The following FAM162A variants were observed in gnomAD, a reference collection of about 807,000 sequenced individuals.
The protein encoded by FAM162A is protein FAM162A.
A neutral mutation model predicts 21.8 loss-of-function variants in FAM162A; 23 were observed. The observed-to-expected ratio is 1.05, with a 90% CI of 0.76 to 1.49. The LOEUF is 1.49. Among genes scored for constraint, FAM162A ranks in the 40% most tolerant of loss-of-function variants. The pLI, the probability that FAM162A is intolerant of heterozygous loss-of-function variation, is 0.00. For missense variants in FAM162A, 165 were observed against 186.4 expected (o/e 0.89, Z 0.67); for synonymous variants, 53 against 61.3 (o/e 0.86, Z 0.64).
chr3:122,397,457 T>C (rs115743374), intron 1 of FAM162A, among the ~76,000 whole-genome samples: 1 of 152,314 alleles, frequency 6.6e-6, no homozygotes, highest in African/African-American at 2.4e-5. Context: ...ATACAAGTCT[T>C]GGACATTCCA....
rs532921984 is a variant in FAM162A at position 122,386,495 on chromosome 3, T to G, written c.34+2196T>G. Among the ~76,000 whole-genome samples, 3 of 151,384 alleles carry G rather than the reference T, an allele frequency of 2.0e-5. No homozygotes were observed. In the East Asian group the frequency reaches 5.8e-4, roughly 29 times the overall value. ...TTGAGCCCAGAAGTTTGAGGCTGCA[T>G]TGAGCTATAATACGATCATGCTACC... On this transcript the variant is annotated intron_variant, in intron 1 of 4. Transcript: ENST00000477892.
chr3:122,393,177 T>C (rs4494873), intron 1 of FAM162A, among the ~76,000 whole-genome samples: 90,854 of 151,952 alleles, frequency 0.6, 27,388 homozygotes, highest in East Asian at 0.69. Context: ...TGAAAAAGAC[T>C]GTGTGCCAGG....
At chr3:122,388,825 G>A (rs147911949) in intron 1 of FAM162A, among the ~76,000 whole-genome samples, 61 of 152,248 alleles carry the variant, frequency 4.0e-4, no homozygotes, top group African/African-American at 1.3e-3. Flanking sequence ...CGAGGTGGGC[G>A]GATCACGAGG....
intron 3 of FAM162A, among the ~76,000 whole-genome samples, chr3:122,406,978 A>G (rs890442247): frequency 1.3e-5 from 2 of 148,866 alleles, no homozygotes; most frequent in African/African-American, 5.0e-5. Context: ...TAGCAAGTGT[A>G]GATTAATATG....
intron 2 of FAM162A, 131 bp from the exon 3 acceptor site, chr3:122,404,126 CT>C (rs1234146919): frequency 5.0e-6 from 2 of 400,732 alleles, no homozygotes; most frequent in African/African-American, 4.2e-5. Context: ...AAATAAAGTT[CT>C]AATTAACTTG....
chr3:122,395,922 C>T (rs551764783), intron 1 of FAM162A, among the ~76,000 whole-genome samples: 5 of 152,138 alleles, frequency 3.3e-5, no homozygotes, highest in South Asian at 4.2e-4. Flanking sequence ...TTCTATATGG[C>T]GCTAAAACAA....
At chr3:122,405,555 A>G (rs1228542680) in intron 3 of FAM162A, among the ~76,000 whole-genome samples, 2 of 152,212 alleles carry the variant, frequency 1.3e-5, no homozygotes, top group Non-Finnish European at 2.9e-5. Context: ...ATACCAGCAG[A>G]AAATAAGCTG....
chr3:122,410,084 AT>A lies in FAM162A; in HGVS notation c.*254del. The stretch of plus-strand genomic sequence containing the variant: ...AATGAAACAATTTATTTCAACTTGA[AT>A]ACCAACTCTTCAGAGAAGCAGGTAC... On this transcript the variant is annotated 3_prime_UTR_variant, in exon 5 of 5. Transcript: ENST00000477892. The A allele has an allele frequency of 2.2e-6, 1 of 459,674 alleles. No homozygotes were observed. Among genetic ancestry groups the A allele is most frequent in the South Asian group, 2.1e-5 (1 of 48,428 alleles). 28.5% of individuals were successfully genotyped at this position (459,674 alleles called of 1,614,324 possible). A position where few individuals can be genotyped will look rare whatever the true frequency, so the allele number is the denominator to read the frequency against.
Position 122,410,830 on chromosome 3 carries a change from C to T in FAM162A, c.*999C>T, listed in dbSNP as rs1386753703. 1 of 152,232 alleles carries T rather than the reference C, an allele frequency of 6.6e-6. No homozygotes were observed. The allele number at this position is 152,232 out of a possible 1,614,324, so 9.4% of individuals were successfully genotyped here. A position where few individuals can be genotyped will look rare whatever the true frequency, so the allele number is the denominator to read the frequency against. On this transcript the variant is annotated 3_prime_UTR_variant, in exon 5 of 5. Coordinates refer to ENST00000477892, the MANE Select transcript of FAM162A (RefSeq NM_014367.4). ...TAGCATGATGAAATCTCTTGCCAAT[C>T]TGTTCCATCCACCTGGGATGTGAAT...
chr3:122,394,320 GC>G, intron 1 of FAM162A, among the ~76,000 whole-genome samples: 1 of 152,252 alleles, frequency 6.6e-6, no homozygotes, highest in South Asian at 2.1e-4. Flanking sequence ...ATATCAGAAG[GC>G]TAAGGCAGTG....
chr3:122,398,300 T>TA (rs554752482), intron 1 of FAM162A, among the ~76,000 whole-genome samples: 268 of 147,750 alleles, frequency 1.8e-3, no homozygotes, highest in African/African-American at 3.2e-3. Context: ...CATTGTCTGC[T>TA]AAAAAAAAAA....
At chr3:122,389,394 GATA>G (rs2075589390) in intron 1 of FAM162A, among the ~76,000 whole-genome samples, 1 of 116,634 alleles carries the variant, frequency 8.6e-6, no homozygotes, top group African/African-American at 3.1e-5. Flanking sequence ...TAGATAGATA[GATA>G]GATAGATAGA....
intron 1 of FAM162A, chr3:122,401,638 T>TAAA: frequency 3.3e-6 from 2 of 608,920 alleles, no homozygotes; most frequent in Non-Finnish European, 4.4e-6. Context: ...AGTATATATC[T>TAAA]AAAAAAAAAA....
chr3:122,389,042 C>A (rs1211887252), intron 1 of FAM162A, among the ~76,000 whole-genome samples: 1 of 145,846 alleles, frequency 6.9e-6, no homozygotes. Context: ...GAGCAAGACT[C>A]CGTCTCAAAA....
chr3:122,393,125 G>C (rs565382780), intron 1 of FAM162A, among the ~76,000 whole-genome samples: 1 of 152,144 alleles, frequency 6.6e-6, no homozygotes, highest in African/African-American at 2.4e-5. Flanking sequence ...AAAGCTTTCT[G>C]GCATTTATAG....
rs144275691 is a variant in FAM162A at position 122,404,423 on chromosome 3, C to G, written c.263+60C>G. ...ATTTCTCACTGATCTAAGGGAAAAG[C>G]AATGCCTCTGAGTTCCAACTGTTTA... On this transcript the variant is annotated intron_variant, in intron 3 of 4. Transcript: ENST00000477892. 1,042 of 873,568 alleles carry G rather than the reference C, an allele frequency of 1.2e-3. 7 individuals carry two copies. In the African/African-American group the frequency reaches 0.017, roughly 14 times the overall value. 54.1% of individuals were successfully genotyped at this position (873,568 alleles called of 1,614,324 possible). A position where few individuals can be genotyped will look rare whatever the true frequency, so the allele number is the denominator to read the frequency against.
intron 1 of FAM162A, among the ~76,000 whole-genome samples, chr3:122,396,939 T>TC (rs58808497): frequency 0.61 from 91,917 of 151,902 alleles, 28,063 homozygotes; most frequent in East Asian, 0.69. Context: ...ACTGTGACTT[T>TC]TAGGGTTGGG....
chr3:122,404,406 C>T (rs776868942), intron 3 of FAM162A, 43 bp downstream of exon 3: 2 of 1,100,494 alleles, frequency 1.8e-6, no homozygotes, highest in Admixed American at 2.1e-5. Context: ...TCATTTCTCA[C>T]TGATCTAAGG....
chr3:122,402,067 C>G (rs1225007524), intron 1 of FAM162A, among the ~76,000 whole-genome samples: 1 of 151,994 alleles, frequency 6.6e-6, no homozygotes, highest in Non-Finnish European at 1.5e-5. Context: ...ATTCCTATGT[C>G]CAGAATGGTA....
Sources: gnomAD v4.1 joint callset for allele counts (sites outside exome capture counted in the v4.1 genomes callset) on GRCh38, gnomAD v4.1.1 for gene constraint, MANE v1.5 for transcripts, NCBI Gene and HGNC (gene_info 2026-07-23, HGNC 2026-07-21) for gene names.